Variants in SOX6 observed in about 807,000 individuals in gnomAD.
SOX6 encodes the protein transcription factor SOX-6.
In SOX6, 11 loss-of-function variants were observed where a neutral mutation model predicts 97.8. That is an observed-to-expected ratio of 0.11 (90% CI 0.07 to 0.19). SOX6 has a LOEUF of 0.19. Ranked by LOEUF, SOX6 falls within the 10% of genes least tolerant of loss-of-function variation. The pLI is 1.00. For missense variants in SOX6, 810 were observed against 1,039.5 expected, an observed-to-expected ratio of 0.78 and a Z score of 3.04; for synonymous variants, 360 against 371.4, an observed-to-expected ratio of 0.97 and a Z score of 0.35.
At chr11:16,046,114 G>GTTTAGTATTACA (rs1174824515) in intron 12 of SOX6, among the ~76,000 whole-genome samples, 3 of 152,170 alleles carry the variant, frequency 2.0e-5, no homozygotes, top group African/African-American at 7.2e-5. Flanking sequence ...TTGACAGGAA[G>GTTTAGTATTACA]TTTAGTATTA....
At chr11:16,442,400 A>G (rs185997892) in intron 1 of SOX6, among the ~76,000 whole-genome samples, 155 of 152,312 alleles carry the variant, frequency 1.0e-3, no homozygotes, top group Non-Finnish European at 1.7e-3. Context: ...TCTGGAATAA[A>G]GCCTTAAAAG....
intron 9 of SOX6, among the ~76,000 whole-genome samples, chr11:16,090,086 T>C (rs1848652734): frequency 6.6e-6 from 1 of 152,084 alleles, no homozygotes; most frequent in South Asian, 2.1e-4. Context: ...ATACCTGTCA[T>C]TATTTTAGAA....
At chr11:16,562,687 C>G (rs1299068977) in intron 4 of SOX6, among the ~76,000 whole-genome samples, 1 of 152,134 alleles carries the variant, frequency 6.6e-6, no homozygotes, top group Non-Finnish European at 1.5e-5. Flanking sequence ...CATCCCCATA[C>G]CTGCACCTGT....
intron 4 of SOX6, among the ~76,000 whole-genome samples, chr11:16,502,759 C>T (rs1860727616): frequency 1.3e-5 from 2 of 152,088 alleles, no homozygotes; most frequent in Non-Finnish European, 2.9e-5. Context: ...TTCAGTGTCT[C>T]AGAAGGTGAC....
intron 4 of SOX6, among the ~76,000 whole-genome samples, chr11:16,540,224 T>G (rs565880871): frequency 2.8e-4 from 43 of 152,090 alleles, no homozygotes; most frequent in Non-Finnish European, 5.3e-4. Context: ...AAAAACCACA[T>G]GATTATCTCA....
At chr11:16,412,377 A>T (rs1858838118) in intron 1 of SOX6, among the ~76,000 whole-genome samples, 1 of 152,222 alleles carries the variant, frequency 6.6e-6, no homozygotes, top group Non-Finnish European at 1.5e-5. Flanking sequence ...ATATGCATCC[A>T]CCATAACAGT....
chr11:16,693,196 A>T (rs907489288), intron 3 of SOX6, among the ~76,000 whole-genome samples: 1 of 152,194 alleles, frequency 6.6e-6, no homozygotes, highest in Non-Finnish European at 1.5e-5. Flanking sequence ...ACCAATTCTT[A>T]GTCCCATTAG....
intron 6 of SOX6, among the ~76,000 whole-genome samples, chr11:16,141,695 C>A (rs1315499522): frequency 6.6e-6 from 1 of 152,148 alleles, no homozygotes; most frequent in Admixed American, 6.5e-5. Context: ...AACGGCACAC[C>A]AGGAGATTAT....
chr11:16,725,236 C>T (rs1848298003), intron 2 of SOX6, among the ~76,000 whole-genome samples: 1 of 152,166 alleles, frequency 6.6e-6, no homozygotes, highest in South Asian at 2.1e-4. Flanking sequence ...TAAAAACATG[C>T]CAAGTGGCTG....
At chr11:16,475,476 C>G (rs574834578) in intron 1 of SOX6, among the ~76,000 whole-genome samples, 1 of 152,040 alleles carries the variant, frequency 6.6e-6, no homozygotes, top group Admixed American at 6.6e-5. Flanking sequence ...TATTGTTGTG[C>G]CTCAGAGAAC....
At chr11:16,255,843 A>C (rs1248813511) in intron 3 of SOX6, among the ~76,000 whole-genome samples, 1 of 149,432 alleles carries the variant, frequency 6.7e-6, no homozygotes. Context: ...GACTAAAGGA[A>C]AAAAAAAAAA....
At chr11:16,674,069 A>T (rs1334427576) in intron 3 of SOX6, among the ~76,000 whole-genome samples, 1 of 151,568 alleles carries the variant, frequency 6.6e-6, no homozygotes, top group African/African-American at 2.4e-5. Flanking sequence ...GGGCGCCTGT[A>T]GTCCCAGCTA....
At chr11:16,147,255 A>G (rs1427820452) in intron 6 of SOX6, among the ~76,000 whole-genome samples, 11 of 152,174 alleles carry the variant, frequency 7.2e-5, no homozygotes, top group Non-Finnish European at 1.6e-4. Flanking sequence ...CGCAAGGACA[A>G]CAAACCAAAC....
chr11:16,399,052 A>T (rs538346720), intron 1 of SOX6, among the ~76,000 whole-genome samples: 17 of 151,354 alleles, frequency 1.1e-4, no homozygotes, highest in Non-Finnish European at 2.4e-4. Context: ...CTCAGAAAAC[A>T]GATTTTTCTT....
chr11:16,309,402 A>G (rs1208966888), intron 3 of SOX6, among the ~76,000 whole-genome samples: 5 of 152,216 alleles, frequency 3.3e-5, no homozygotes, highest in African/African-American at 1.2e-4. Flanking sequence ...AAGAATAAAA[A>G]GCAAGTCACA....
chr11:16,386,520 A>G (rs1265296413), intron 1 of SOX6, among the ~76,000 whole-genome samples: 4 of 152,062 alleles, frequency 2.6e-5, no homozygotes, highest in African/African-American at 7.2e-5. Context: ...CTATTTCCTG[A>G]CACATATACA....
At chr11:16,685,315 G>C (rs971699924) in intron 3 of SOX6, among the ~76,000 whole-genome samples, 1 of 152,136 alleles carries the variant, frequency 6.6e-6, no homozygotes, top group African/African-American at 2.4e-5. Context: ...CAAATCCAAA[G>C]TCTCATCTAA....
intron 9 of SOX6, among the ~76,000 whole-genome samples, chr11:16,061,815 T>C (rs1428987158): frequency 1.3e-5 from 2 of 151,814 alleles, no homozygotes; most frequent in Non-Finnish European, 2.9e-5. Flanking sequence ...TTTCAATAAA[T>C]GGTGCTGGGA....
At chr11:16,567,521 TAC>T (rs1847885570) in intron 4 of SOX6, 1 of 150,640 alleles carries the variant, frequency 6.6e-6, no homozygotes, top group African/African-American at 2.4e-5. Context: ...TTACCCTAAA[TAC>T]ATTGTTTCTC....
Sources: gnomAD v4.1 joint callset for allele counts (sites outside exome capture counted in the v4.1 genomes callset) on GRCh38, gnomAD v4.1.1 for gene constraint, MANE v1.5 for transcripts, NCBI Gene and HGNC (gene_info 2026-07-23, HGNC 2026-07-21) for gene names.